FBN2: variants seen among roughly 807,000 people sequenced by gnomAD.
FBN2 encodes fibrillin 2, also known as fibrillin-2.
In FBN2, 105 loss-of-function variants were observed where a neutral mutation model predicts 355.6. The observed-to-expected ratio is 0.30, with a 90% CI of 0.25 to 0.35. FBN2 has a LOEUF of 0.35. Among genes scored for constraint, FBN2 ranks in the 10% least tolerant of loss-of-function variants. FBN2 has a pLI of 1.00. For missense variants in FBN2, 3,280 were observed against 3,758.7 expected, an observed-to-expected ratio of 0.87 and a Z score of 3.33; for synonymous variants, 1,350 against 1,301.2, an observed-to-expected ratio of 1.04 and a Z score of -0.81.
chr5:128,330,439 G>A, intron 33 of FBN2, 134 bp downstream of exon 33: 1 of 856,716 alleles, frequency 1.2e-6, no homozygotes, highest in East Asian at 2.6e-5. Flanking sequence ...AAGATACATA[G>A]TCACCTGCAA....
chr5:128,419,593 G>A (rs915565760), intron 7 of FBN2, among the ~76,000 whole-genome samples: 4 of 151,648 alleles, frequency 2.6e-5, no homozygotes, highest in South Asian at 4.2e-4. Flanking sequence ...AGGTGATCAC[G>A]GCTTTTGTCT....
chr5:128,392,493 GA>G (rs1220313953), intron 10 of FBN2, among the ~76,000 whole-genome samples: 1 of 152,140 alleles, frequency 6.6e-6, no homozygotes, highest in Non-Finnish European at 1.5e-5. Context: ...ATGCCAAAAA[GA>G]ATAAACATAA....
intron 6 of FBN2, among the ~76,000 whole-genome samples, chr5:128,459,078 A>C (rs2127076118): frequency 6.6e-6 from 1 of 152,316 alleles, no homozygotes; most frequent in African/African-American, 2.4e-5. Context: ...AGAAGAATGA[A>C]GAGAAGAATC....
intron 51 of FBN2, 23 bp downstream of exon 51, chr5:128,289,859 G>A (rs778566797): frequency 8.7e-6 from 12 of 1,387,270 alleles, no homozygotes; most frequent in Admixed American, 6.7e-5. Flanking sequence ...AAGAATATAG[G>A]AATAAAATAT....
intron 6 of FBN2, among the ~76,000 whole-genome samples, chr5:128,449,979 G>T (rs1754194453): frequency 6.6e-6 from 1 of 152,084 alleles, no homozygotes; most frequent in Non-Finnish European, 1.5e-5. Flanking sequence ...TCATCAAGAA[G>T]ACATGATAAT....
chr5:128,309,893 C>T (rs1022380866), intron 40 of FBN2, 90 bp downstream of exon 40: 23 of 1,440,484 alleles, frequency 1.6e-5, no homozygotes, highest in Admixed American at 3.4e-5. Context: ...ACTGAACTTC[C>T]AAACTTCCAA....
intron 4 of FBN2, among the ~76,000 whole-genome samples, chr5:128,523,620 A>G (rs1756492080): frequency 6.6e-6 from 1 of 151,996 alleles, no homozygotes; most frequent in African/African-American, 2.4e-5. Context: ...AGATTTCTCA[A>G]TCTAATGAAT....
chr5:128,319,304 T>C (rs996030876), intron 34 of FBN2, among the ~76,000 whole-genome samples: 1 of 151,868 alleles, frequency 6.6e-6, no homozygotes, highest in African/African-American at 2.4e-5. Flanking sequence ...AAAAATTAAA[T>C]ATAAACATGT....
In FBN2 at chr5:128,318,177, C is replaced by G; in HGVS notation, c.4689G>C (p.Gln1563His). ...RYECNCPPDF[Q>H]LNPTGVGCVD... ...CACAACCCACACCAGTTGGGTTCAA[C>G]TGAAAATCGGGTGGGCAGTTACACT... Residue 1563 changes from glutamine (Q) to histidine (H), a missense_variant, in exon 36 of 65, where the codon CAG becomes CAC. Physicochemically the swap from Gln to His is conservative, Grantham distance 24. Coordinates refer to ENST00000262464, the MANE Select transcript of FBN2 (RefSeq NM_001999.4). 1.2e-6 allele frequency: 2 copies of G among 1,614,140 alleles called. No homozygotes were observed. The highest frequency in any genetic ancestry group is 1.7e-6 in the Non-Finnish European group (2 of 1,179,980).
chr5:128,454,373 G>A (rs1393450578), intron 6 of FBN2, among the ~76,000 whole-genome samples: 3 of 152,222 alleles, frequency 2.0e-5, no homozygotes, highest in South Asian at 2.1e-4. Flanking sequence ...AATTGTTTAG[G>A]AATAACTTGT....
At chr5:128,530,780 A>G (rs1756680609) in intron 2 of FBN2, 87 bp from the exon 3 acceptor site, 1 of 879,334 alleles carries the variant, frequency 1.1e-6, no homozygotes, top group African/African-American at 1.7e-5. Flanking sequence ...TAAAAATAAA[A>G]AGCCTGAAAA....
chr5:128,346,407 C>T (rs775242230), intron 23 of FBN2, among the ~76,000 whole-genome samples: 6 of 152,164 alleles, frequency 3.9e-5, no homozygotes, highest in African/African-American at 1.4e-4. Flanking sequence ...AGCATGATTT[C>T]TTTGATAAGA....
intron 5 of FBN2, among the ~76,000 whole-genome samples, chr5:128,516,882 T>C (rs1346287477): frequency 6.6e-6 from 1 of 152,158 alleles, no homozygotes; most frequent in Non-Finnish European, 1.5e-5. Context: ...ATAAATTCAA[T>C]TTAAAACATC....
At chr5:128,315,087 G>A (rs563900424) in intron 36 of FBN2, among the ~76,000 whole-genome samples, 1 of 152,086 alleles carries the variant, frequency 6.6e-6, no homozygotes, top group East Asian at 1.9e-4. Flanking sequence ...TTAGCCTTCA[G>A]TCAGGAAAAA....
chr5:128,294,991 C>T (rs1259764112), intron 48 of FBN2, among the ~76,000 whole-genome samples: 1 of 150,138 alleles, frequency 6.7e-6, no homozygotes, highest in Admixed American at 6.7e-5. Flanking sequence ...AGTCTTTAAT[C>T]CATCTTGGAT....
chr5:128,428,956 G>C (rs559600929), intron 7 of FBN2, among the ~76,000 whole-genome samples: 1 of 152,150 alleles, frequency 6.6e-6, no homozygotes, highest in Admixed American at 6.5e-5. Flanking sequence ...ATTGGCCCCA[G>C]GTTCCTGACA....
chr5:128,496,358 G>A (rs1755655457), intron 5 of FBN2, among the ~76,000 whole-genome samples: 1 of 151,984 alleles, frequency 6.6e-6, no homozygotes, highest in Non-Finnish European at 1.5e-5. Flanking sequence ...ATTAATCCAA[G>A]GAATTTGAGG....
intron 6 of FBN2, among the ~76,000 whole-genome samples, chr5:128,458,052 G>A (rs574088570): frequency 5.3e-5 from 8 of 152,126 alleles, no homozygotes; most frequent in South Asian, 4.1e-4. Context: ...ATCGGTGTGC[G>A]TGTGCTGTAC....
intron 5 of FBN2, among the ~76,000 whole-genome samples, chr5:128,503,725 T>C (rs941510705): frequency 2.0e-5 from 3 of 152,106 alleles, no homozygotes; most frequent in African/African-American, 7.2e-5. Context: ...TGAAAAAAAT[T>C]GCAGCCTGAC....
Sources: gnomAD v4.1 joint callset for allele counts (sites outside exome capture counted in the v4.1 genomes callset) on GRCh38, gnomAD v4.1.1 for gene constraint, MANE v1.5 for transcripts, NCBI Gene and HGNC (gene_info 2026-07-23, HGNC 2026-07-21) for gene names.